BCHE: variants seen among roughly 807,000 people sequenced by gnomAD.
The protein encoded by BCHE is cholinesterase.
In BCHE, 48 loss-of-function variants were observed where a neutral mutation model predicts 51.3. The observed-to-expected ratio is 0.94, with a 90% CI of 0.74 to 1.19. The LOEUF is 1.19. Ranked by LOEUF, BCHE falls within the 50% of genes most tolerant of loss-of-function variation. BCHE has a pLI of 0.00. For synonymous variants in BCHE, 251 were observed against 238.0 expected (o/e 1.05, Z -0.50); for missense variants, 847 against 708.2 (o/e 1.20, Z -2.23).
chr3:165,791,841 G>C (rs113377045), intron 2 of BCHE, among the ~76,000 whole-genome samples: 14,665 of 152,004 alleles, frequency 0.096, 767 homozygotes, highest in Admixed American at 0.14. Flanking sequence ...CCAGCTACTC[G>C]GGAGGCTGAG....
At chr3:165,780,120 CATTT>C in intron 3 of BCHE, among the ~76,000 whole-genome samples, 1 of 152,146 alleles carries the variant, frequency 6.6e-6, no homozygotes, top group Non-Finnish European at 1.5e-5. Flanking sequence ...CATCGACAAC[CATTT>C]GTTCTTTGAC....
At chr3:165,803,276 T>C (rs1419616968) in intron 2 of BCHE, among the ~76,000 whole-genome samples, 4 of 152,164 alleles carry the variant, frequency 2.6e-5, no homozygotes, top group Non-Finnish European at 4.4e-5. Flanking sequence ...AGAGCTTACA[T>C]GTTGGTGAAA....
chr3:165,780,241 C>A (rs556458080), intron 3 of BCHE, among the ~76,000 whole-genome samples: 2 of 152,244 alleles, frequency 1.3e-5, no homozygotes, highest in Non-Finnish European at 2.9e-5. Flanking sequence ...CTTCCTTACA[C>A]TTTATACAAA....
At chr3:165,815,587 G>T (rs1714285881) in intron 2 of BCHE, among the ~76,000 whole-genome samples, 1 of 152,036 alleles carries the variant, frequency 6.6e-6, no homozygotes, top group Non-Finnish European at 1.5e-5. Flanking sequence ...AAATTTAATT[G>T]ATGTAATTTT....
At chr3:165,831,312 T>TC (rs1177863110) in intron 1 of BCHE, among the ~76,000 whole-genome samples, 1 of 152,136 alleles carries the variant, frequency 6.6e-6, no homozygotes, top group Non-Finnish European at 1.5e-5. Context: ...AGCTAGTATT[T>TC]TAAATAGAAT....
At chr3:165,776,003 A>T (rs1248068990) in intron 3 of BCHE, among the ~76,000 whole-genome samples, 2 of 151,882 alleles carry the variant, frequency 1.3e-5, no homozygotes, top group African/African-American at 4.8e-5. Flanking sequence ...AAATCTAGTC[A>T]CAAGTCAATT....
chr3:165,830,640 G>C lies in BCHE; in HGVS notation c.394C>G (p.Pro132Ala). The C allele has an allele frequency of 1.9e-6, 3 of 1,613,960 alleles. No homozygotes were observed. Among genetic ancestry groups the C allele is most frequent in the African/African-American group, 1.3e-5 (1 of 75,008 alleles). Reference protein sequence around the residue: ...YLNVWIPAPKPKNATVLIWIY... With the variant: ...YLNVWIPAPKAKNATVLIWIY... ...CATATCAATACAGTGGCATTTTTTG[G>C]TTTAGGTGCTGGAATCCATACATTT... The change falls in exon 2 of 4, where the codon CCA becomes GCA. Residue 132 changes from proline to alanine, a missense_variant. Transcript: ENST00000264381.
At chr3:165,776,744 T>C (rs1017889209) in intron 3 of BCHE, among the ~76,000 whole-genome samples, 1 of 151,910 alleles carries the variant, frequency 6.6e-6, no homozygotes, top group East Asian at 1.9e-4. Context: ...TAATATATTA[T>C]GGTTTTAATT....
chr3:165,794,050 TAA>T (rs1027099408), intron 2 of BCHE, among the ~76,000 whole-genome samples: 2 of 135,502 alleles, frequency 1.5e-5, no homozygotes, highest in Admixed American at 7.3e-5. Context: ...CCATCTCAAA[TAA>T]AAAAAAAAAA....
intron 3 of BCHE, among the ~76,000 whole-genome samples, chr3:165,775,044 T>A (rs181031370): frequency 1.3e-5 from 2 of 152,254 alleles, no homozygotes; most frequent in East Asian, 1.9e-4. Flanking sequence ...TAACAAAAAA[T>A]TTTAAGTAAT....
intron 2 of BCHE, among the ~76,000 whole-genome samples, chr3:165,807,610 G>C (rs547968970): frequency 1.3e-5 from 2 of 151,836 alleles, no homozygotes; most frequent in East Asian, 3.9e-4. Context: ...GGAGTGCAGT[G>C]GCATGATCTT....
At chr3:165,808,011 T>A (rs1286696227) in intron 2 of BCHE, among the ~76,000 whole-genome samples, 3 of 151,840 alleles carry the variant, frequency 2.0e-5, no homozygotes, top group African/African-American at 7.3e-5. Context: ...TGAGACAGAG[T>A]CTCGCTCTGT....
At chr3:165,805,800 C>T (rs1046308640) in intron 2 of BCHE, among the ~76,000 whole-genome samples, 5 of 152,200 alleles carry the variant, frequency 3.3e-5, no homozygotes, top group East Asian at 3.9e-4. Context: ...GTCCGACATA[C>T]GTTCTTAACT....
In BCHE at chr3:165,776,807, G is replaced by A. The variant is rs1712489950; in HGVS notation, c.1685-3301C>T. 2.6e-5 allele frequency among the ~76,000 whole-genome samples: 4 copies of A among 151,564 alleles called. No individual in the cohort carries two copies. In the South Asian group the frequency reaches 8.3e-4, roughly 31 times the overall value. Reference sequence around the variant, plus strand: ...TGACCTTTCCAGATTCTTATGTAGAGAGTAAATATAAAGTCCTCTTTATTC... The same window carrying A: ...TGACCTTTCCAGATTCTTATGTAGAAAGTAAATATAAAGTCCTCTTTATTC... On this transcript the variant is annotated intron_variant, in intron 3 of 3. Transcript: ENST00000264381.
chr3:165,822,169 C>T (rs1489524603), intron 2 of BCHE, among the ~76,000 whole-genome samples: 2 of 151,678 alleles, frequency 1.3e-5, no homozygotes, highest in African/African-American at 2.4e-5. Flanking sequence ...AAAATATTAA[C>T]CATTTCAGAG....
rs1014880437 is a variant in BCHE, at chr3:165,774,490, C to A, written c.1685-984G>T. Among the ~76,000 whole-genome samples, 3 of 151,970 alleles carry A rather than the reference C, an allele frequency of 2.0e-5. No homozygotes were observed. The South Asian group carries it at 6.2e-4, about 32-fold the overall frequency. On this transcript the variant is annotated intron_variant, in intron 3 of 3. Transcript: ENST00000264381. ...CTGGGATTACAGGCGCGTGCACCAC[C>A]ATGTTTGGCTAATTTTTGTACTTTT...
intron 2 of BCHE, among the ~76,000 whole-genome samples, chr3:165,792,535 G>A (rs1266015168): frequency 6.6e-6 from 1 of 152,040 alleles, no homozygotes; most frequent in Non-Finnish European, 1.5e-5. Context: ...AAATAATTGG[G>A]AGAAAAGAAT....
intron 2 of BCHE, among the ~76,000 whole-genome samples, chr3:165,826,470 G>A (rs1165651124): frequency 1.3e-5 from 2 of 152,080 alleles, no homozygotes; most frequent in African/African-American, 4.8e-5. Context: ...TAGAATCAGT[G>A]ATTGACTGGA....
chr3:165,819,628 C>A (rs914984545), intron 2 of BCHE, among the ~76,000 whole-genome samples: 3 of 151,950 alleles, frequency 2.0e-5, no homozygotes, highest in Admixed American at 1.3e-4. Context: ...TTTTAAGGCT[C>A]TATCTGTTTT....
Sources: allele counts gnomAD v4.1 joint callset (sites outside exome capture counted in the v4.1 genomes callset), GRCh38; gene constraint gnomAD v4.1.1; transcripts MANE v1.5; gene names NCBI Gene and HGNC (gene_info 2026-07-23, HGNC 2026-07-21).